JADE3: variants seen among roughly 807,000 people sequenced by gnomAD.
JADE3 encodes protein Jade-3.
In JADE3, 2 loss-of-function variants were observed where a neutral mutation model predicts 50.1. The observed-to-expected ratio is 0.04, with a 90% CI of 0.02 to 0.13. The LOEUF is 0.13. JADE3 is among the 10% of genes least tolerant of loss of function. The pLI is 1.00. For synonymous variants in JADE3, 218 were observed against 232.9 expected, an observed-to-expected ratio of 0.94 and a Z score of 0.58; for missense variants, 475 against 634.4, an observed-to-expected ratio of 0.75 and a Z score of 2.70.
At chrX:46,949,691 A>G (rs782774365) in intron 1 of JADE3, among the ~76,000 whole-genome samples, 4 of 111,701 alleles carry the variant, frequency 3.6e-5, no homozygotes, top group African/African-American at 1.3e-4. Flanking sequence ...AAACATTTCT[A>G]TGTCCCTGAA....
intron 5 of JADE3, among the ~76,000 whole-genome samples, 179 bp downstream of exon 5, chrX:47,025,093 A>C (rs138287339): frequency 0.016 from 1,846 of 112,047 alleles, 17 homozygotes; most frequent in Non-Finnish European, 0.024. Context: ...ATACATAGAA[A>C]TAAAGCAATA....
intron 4 of JADE3, among the ~76,000 whole-genome samples, chrX:47,011,157 A>G (rs1928557048): frequency 1.8e-5 from 2 of 112,325 alleles, no homozygotes; most frequent in Non-Finnish European, 3.8e-5. Flanking sequence ...AGAAGGGCCT[A>G]TTGAGTTCAT....
At chrX:46,921,499 T>C (rs1226261649) in intron 1 of JADE3, among the ~76,000 whole-genome samples, 2 of 112,049 alleles carry the variant, frequency 1.8e-5, no homozygotes, top group East Asian at 5.6e-4. Flanking sequence ...TTTTTTTTAA[T>C]ATACTGTGTT....
At chrX:47,018,417 T>C (rs927091210) in intron 4 of JADE3, among the ~76,000 whole-genome samples, 1 of 109,816 alleles carries the variant, frequency 9.1e-6, no homozygotes, top group African/African-American at 3.3e-5. Context: ...CACTGCAAGC[T>C]CCGCCTCCCG....
chrX:47,059,905 A>T lies in JADE3; in HGVS notation c.*828A>T, dbSNP rs1374154840. On this transcript the variant is annotated 3_prime_UTR_variant, in exon 11 of 11. Coordinates refer to ENST00000614628, the MANE Select transcript of JADE3 (RefSeq NM_014735.5). ...GGTCAGGGTTTTTGTGTTGTTTTCAAATAAGTTTGACTAAAATAAGTTTGG... is the reference window on the plus strand; with the variant it reads ...GGTCAGGGTTTTTGTGTTGTTTTCATATAAGTTTGACTAAAATAAGTTTGG... 1.8e-5 allele frequency: 2 copies of T among 112,268 alleles called. No homozygotes were observed. Among genetic ancestry groups the T allele is most frequent in the African/African-American group, 6.5e-5 (2 of 30,829 alleles). 9.3% of individuals were successfully genotyped at this position (112,268 alleles called of 1,213,427 possible).
At chrX:46,918,253 C>A (rs1362974724) in intron 1 of JADE3, among the ~76,000 whole-genome samples, 1 of 111,549 alleles carries the variant, frequency 9.0e-6, no homozygotes, top group African/African-American at 3.3e-5. Context: ...TTCCTGGAAA[C>A]CTGAGTTGTT....
At chrX:47,052,782 G>A (rs1196309456) in intron 8 of JADE3, among the ~76,000 whole-genome samples, 4 of 106,733 alleles carry the variant, frequency 3.7e-5, no homozygotes, top group African/African-American at 6.9e-5. Flanking sequence ...AAGGCTAAGC[G>A]CAGTGGCTCA....
rs782681040 is a variant in JADE3 at position 46,980,004 on chromosome X, C to T, written c.-11-4880C>T. Among the ~76,000 whole-genome samples, 5 of 107,081 alleles carry T rather than the reference C, an allele frequency of 4.7e-5. No individual in the cohort carries two copies. In the East Asian group the frequency reaches 1.2e-3, roughly 25 times the overall value. The allele number at this position is 107,081 out of a possible 115,157, so 93.0% of individuals were successfully genotyped here. On this transcript the variant is annotated intron_variant, in intron 1 of 10. Coordinates refer to ENST00000614628, the MANE Select transcript of JADE3 (RefSeq NM_014735.5). The stretch of plus-strand genomic sequence containing the variant: ...AAGCAATTCTCATGCCTCAGCCTCC[C>T]GAGTAGCTGGGATTACAGGTGCATG...
intron 1 of JADE3, among the ~76,000 whole-genome samples, chrX:46,946,261 C>T (rs1359142496): frequency 9.0e-6 from 1 of 111,727 alleles, no homozygotes; most frequent in African/African-American, 3.3e-5. Context: ...AGTAGAATTT[C>T]CTGGCTAGGC....
intron 1 of JADE3, among the ~76,000 whole-genome samples, chrX:46,914,773 T>C (rs1404898614): frequency 8.9e-6 from 1 of 112,149 alleles, no homozygotes; most frequent in African/African-American, 3.2e-5. Context: ...CTCTGAGTCA[T>C]GTTGCTTGCC....
intron 4 of JADE3, among the ~76,000 whole-genome samples, chrX:47,006,718 A>G (rs1448968693): frequency 9.2e-6 from 1 of 109,186 alleles, no homozygotes; most frequent in African/African-American, 3.3e-5. Flanking sequence ...TAATTTATTG[A>G]TTTGAAGCTG....
rs184963609 is a variant in JADE3 at position 47,003,095 on chromosome X, T to C, written c.284+4818T>C. Among the ~76,000 whole-genome samples, 270 of 111,947 alleles carry C rather than the reference T, an allele frequency of 2.4e-3. 4 individuals carry two copies. The highest frequency in any genetic ancestry group is 0.022 in the Admixed American group (224 of 10,408). ...TTTCTTCTTCAGCCTGTTAATGTTATAGATTACATTGATTGATTTTTTTTA... is the reference window on the plus strand; with the variant it reads ...TTTCTTCTTCAGCCTGTTAATGTTACAGATTACATTGATTGATTTTTTTTA... On this transcript the variant is annotated intron_variant, in intron 4 of 10. Coordinates refer to ENST00000614628, the MANE Select transcript of JADE3 (RefSeq NM_014735.5).
At chrX:46,944,076 G>A (rs1272086822) in intron 1 of JADE3, among the ~76,000 whole-genome samples, 2 of 110,588 alleles carry the variant, frequency 1.8e-5, no homozygotes, top group Non-Finnish European at 3.8e-5. Context: ...TTCTGATTGT[G>A]CTTATTTGGA....
At chrX:46,938,582 G>T (rs1392010867) in intron 1 of JADE3, among the ~76,000 whole-genome samples, 2 of 111,960 alleles carry the variant, frequency 1.8e-5, no homozygotes, top group African/African-American at 6.5e-5. Context: ...CTCAAGAAAA[G>T]GATAGTATAT....
chrX:47,012,387 T>A (rs1202388665), intron 4 of JADE3, among the ~76,000 whole-genome samples: 1 of 110,423 alleles, frequency 9.1e-6, no homozygotes, highest in African/African-American at 3.3e-5. Context: ...CTCAAGGCCA[T>A]ACTAGGCAAC....
At chrX:46,936,692 T>C (rs1556341135) in intron 1 of JADE3, among the ~76,000 whole-genome samples, 1 of 111,816 alleles carries the variant, frequency 8.9e-6, no homozygotes, top group Non-Finnish European at 1.9e-5. Context: ...TGAGTTTTAG[T>C]AGTTTGTTAT....
intron 1 of JADE3, among the ~76,000 whole-genome samples, chrX:46,920,232 C>T (rs1450617964): frequency 8.9e-6 from 1 of 112,271 alleles, no homozygotes; most frequent in Non-Finnish European, 1.9e-5. Flanking sequence ...CAAAAAAAAT[C>T]TAGCCAGTTT....
Position 47,060,795 on chromosome X carries a change from G to GAT in JADE3, c.*1721_*1722dup, listed in dbSNP as rs1259447261. 2 of 112,050 alleles carry GAT rather than the reference G, an allele frequency of 1.8e-5. No individual in the cohort carries two copies. The highest frequency in any genetic ancestry group is 1.9e-4 in the Admixed American group (2 of 10,468). 9.2% of individuals were successfully genotyped at this position (112,050 alleles called of 1,213,427 possible). A position where few individuals can be genotyped will look rare whatever the true frequency, so the allele number is the denominator to read the frequency against. On this transcript the variant is annotated 3_prime_UTR_variant, in exon 11 of 11. Transcript: ENST00000614628. The stretch of plus-strand genomic sequence containing the variant: ...CTTTTTCTTTGAGTTCTCTGGAGTA[G>GAT]ATATTAATTTGATACCTTCATGGTA...
intron 7 of JADE3, among the ~76,000 whole-genome samples, chrX:47,035,480 T>C (rs888673586): frequency 1.8e-5 from 2 of 112,310 alleles, no homozygotes; most frequent in Non-Finnish European, 3.8e-5. Context: ...TGAGAATGAC[T>C]GTTTTCCAAC....
Sources: gnomAD v4.1 joint callset for allele counts (sites outside exome capture counted in the v4.1 genomes callset) on GRCh38, gnomAD v4.1.1 for gene constraint, MANE v1.5 for transcripts, NCBI Gene and HGNC (gene_info 2026-07-23, HGNC 2026-07-21) for gene names.